GPHN: variants seen among roughly 807,000 people sequenced by gnomAD.
GPHN encodes the protein gephyrin.
In GPHN, 17 loss-of-function variants were observed where a neutral mutation model predicts 95.5. The observed-to-expected ratio is 0.18, with a 90% confidence interval of 0.12 to 0.27. The LOEUF is 0.27. Among genes scored for constraint, GPHN ranks in the 10% least tolerant of loss-of-function variants. The probability of loss-of-function intolerance (pLI) is 1.00; values close to 1 mark genes in which losing one functional copy is unlikely to be tolerated. For synonymous variants in GPHN, 320 were observed against 322.5 expected, an observed-to-expected ratio of 0.99 and a Z score of 0.08; for missense variants, 660 against 978.1, an observed-to-expected ratio of 0.67 and a Z score of 4.34.
At chr14:67,006,784 A>G (rs1206982322) in intron 9 of GPHN, among the ~76,000 whole-genome samples, 1 of 152,154 alleles carries the variant, frequency 6.6e-6, no homozygotes, top group Non-Finnish European at 1.5e-5. Context: ...AGGAAAGAGA[A>G]AAAAAGGATG....
intron 1 of GPHN, among the ~76,000 whole-genome samples, chr14:66,531,271 A>AT (rs1446169559): frequency 6.6e-6 from 1 of 151,972 alleles, no homozygotes; most frequent in Non-Finnish European, 1.5e-5. Flanking sequence ...CTGGACTTGG[A>AT]TTTTCAAATT....
the GPHN span, chr14:67,733,640 T>G: frequency 4.0e-6 from 3 of 744,812 alleles, no homozygotes; most frequent in South Asian, 4.4e-5. Context: ...GAGTCTGGCA[T>G]ATATTGTATT....
At chr14:67,678,765 T>C in the GPHN span, among the ~76,000 whole-genome samples, 1 of 152,144 alleles carries the variant, frequency 6.6e-6, no homozygotes, top group African/African-American at 2.4e-5. Flanking sequence ...ATAAGGCCCA[T>C]TCTACAGAGC....
chr14:66,882,856 TAA>T (rs549713805), intron 5 of GPHN, among the ~76,000 whole-genome samples: 2 of 142,980 alleles, frequency 1.4e-5, no homozygotes. Flanking sequence ...CTTTCAGCAT[TAA>T]AAAAAAAAAA....
intron 1 of GPHN, among the ~76,000 whole-genome samples, chr14:66,559,218 T>C (rs2060128865): frequency 6.6e-6 from 1 of 152,122 alleles, no homozygotes; most frequent in Admixed American, 6.5e-5. Context: ...TGTGTCTTTA[T>C]AGCAGCATGA....
chr14:66,663,895 A>T (rs559924377), intron 1 of GPHN, among the ~76,000 whole-genome samples: 1 of 152,250 alleles, frequency 6.6e-6, no homozygotes, highest in Non-Finnish European at 1.5e-5. Flanking sequence ...AGGGCATTAC[A>T]TAATGGTAAA....
At chr14:67,295,108 T>TGTGTGTGC in the GPHN span, 1 of 141,736 alleles carries the variant, frequency 7.1e-6, no homozygotes, top group African/African-American at 2.8e-5. Context: ...TATTGAAGTG[T>TGTGTGTGC]GTGTGTGTGT....
intron 1 of GPHN, among the ~76,000 whole-genome samples, chr14:66,614,883 C>T (rs1213403768): frequency 2.0e-5 from 3 of 152,136 alleles, no homozygotes; most frequent in African/African-American, 7.2e-5. Context: ...CATCACCCAA[C>T]AGGTCCTGGT....
At chr14:67,317,417 G>A in the GPHN span, 1 of 1,611,156 alleles carries the variant, frequency 6.2e-7, no homozygotes, top group Non-Finnish European at 8.5e-7. Context: ...GGAAAACTGT[G>A]GTGTGCAAAG....
the GPHN span, chr14:67,695,529 C>T: frequency 8.4e-7 from 1 of 1,187,208 alleles, no homozygotes; most frequent in Non-Finnish European, 1.2e-6. Context: ...TCTTGGAGCC[C>T]CCCCAGGGGA....
At chr14:66,700,554 A>G (rs1566837615) in intron 2 of GPHN, among the ~76,000 whole-genome samples, 1 of 152,154 alleles carries the variant, frequency 6.6e-6, no homozygotes, top group Non-Finnish European at 1.5e-5. Flanking sequence ...GATTTTACTT[A>G]ATTTTTCTAA....
At chr14:66,796,326 T>C (rs1433484688) in intron 3 of GPHN, among the ~76,000 whole-genome samples, 1 of 152,064 alleles carries the variant, frequency 6.6e-6, no homozygotes, top group Non-Finnish European at 1.5e-5. Context: ...TTTCCTTTTT[T>C]TTTTCAGTAT....
At chr14:67,284,283 T>A in the GPHN span, among the ~76,000 whole-genome samples, 6 of 151,828 alleles carry the variant, frequency 4.0e-5, no homozygotes, top group Non-Finnish European at 5.9e-5. Context: ...ACTGTAGAAT[T>A]CATTAGTTTT....
chr14:66,851,866 A>T (rs1319349342), intron 4 of GPHN, among the ~76,000 whole-genome samples: 1 of 152,176 alleles, frequency 6.6e-6, no homozygotes, highest in Non-Finnish European at 1.5e-5. Context: ...TGTAGCACCA[A>T]TCAGGAGGTC....
chr14:66,723,539 T>C (rs2070947657), intron 2 of GPHN, among the ~76,000 whole-genome samples: 1 of 152,092 alleles, frequency 6.6e-6, no homozygotes, highest in Non-Finnish European at 1.5e-5. Flanking sequence ...ATCTAAAATA[T>C]CACAGAAGCA....
At chr14:66,843,488 T>G (rs916353127) in intron 4 of GPHN, among the ~76,000 whole-genome samples, 1 of 152,214 alleles carries the variant, frequency 6.6e-6, no homozygotes, top group Non-Finnish European at 1.5e-5. Context: ...GACTGTTGCC[T>G]CCTCTACCTA....
At chr14:66,914,743 T>G (rs2065826987) in intron 5 of GPHN, among the ~76,000 whole-genome samples, 1 of 152,034 alleles carries the variant, frequency 6.6e-6, no homozygotes, top group African/African-American at 2.4e-5. Flanking sequence ...TTGATGACAT[T>G]CCAATCATAT....
chr14:66,828,922 A>C (rs1164066722), intron 4 of GPHN, among the ~76,000 whole-genome samples: 5 of 149,912 alleles, frequency 3.3e-5, no homozygotes, highest in African/African-American at 5.1e-5. Context: ...ATCATAGAAT[A>C]TGGTTCATCT....
the GPHN span, chr14:67,359,942 A>C: frequency 1.8e-6 from 1 of 558,336 alleles, no homozygotes; most frequent in Non-Finnish European, 3.2e-6. Flanking sequence ...CCGCGGAACC[A>C]CCCCTCAATT....
Sources: allele counts gnomAD v4.1 joint callset (sites outside exome capture counted in the v4.1 genomes callset), GRCh38; gene constraint gnomAD v4.1.1; transcripts MANE v1.5; gene names NCBI Gene and HGNC (gene_info 2026-07-23, HGNC 2026-07-21).